ANK1: variants seen among roughly 807,000 people sequenced by gnomAD.
The protein encoded by ANK1 is ankyrin-1.
Under a neutral mutation model 210.4 loss-of-function variants are expected in ANK1, and 51 were observed. The ratio of observed to expected loss-of-function variants is 0.24; its 90% CI spans 0.19 to 0.31. The LOEUF is 0.31. Among genes scored for constraint, ANK1 ranks in the 10% least tolerant of loss-of-function variants. ANK1 has a pLI of 1.00. For synonymous variants in ANK1, 967 were observed against 1,025.9 expected (o/e 0.94, Z 1.10); for missense variants, 2,051 against 2,504.4 (o/e 0.82, Z 3.86).
intron 9 of ANK1, among the ~76,000 whole-genome samples, chr8:41,722,033 T>C (rs1400492338): frequency 6.6e-6 from 1 of 152,248 alleles, no homozygotes; most frequent in African/African-American, 2.4e-5. Context: ...GCAATTCTAC[T>C]TTCATTTAGC....
chr8:41,836,092 G>A (rs1040598954), intron 1 of ANK1, among the ~76,000 whole-genome samples: 1 of 152,220 alleles, frequency 6.6e-6, no homozygotes, highest in African/African-American at 2.4e-5. Flanking sequence ...GGAACTCTCA[G>A]GGACGACACA....
chr8:41,686,704 T>C (rs868696642), intron 35 of ANK1, among the ~76,000 whole-genome samples: 9 of 152,194 alleles, frequency 5.9e-5, no homozygotes, highest in Non-Finnish European at 1.3e-4. Flanking sequence ...GGCCACGCCA[T>C]GCCCTACTGC....
intron 2 of ANK1, among the ~76,000 whole-genome samples, chr8:41,752,798 G>GCCCCCC (rs55895448): frequency 7.9e-4 from 115 of 145,654 alleles, no homozygotes; most frequent in Middle Eastern, 3.6e-3. Context: ...GCACACACAG[G>GCCCCCC]CCCCCCCCCA....
intron 26 of ANK1, among the ~76,000 whole-genome samples, chr8:41,695,789 G>A (rs1324590652): frequency 6.6e-6 from 1 of 152,270 alleles, no homozygotes; most frequent in Non-Finnish European, 1.5e-5. Context: ...GGCGGACAGA[G>A]GTAGAAGGCA....
At chr8:41,716,066 G>A (rs182522062) in intron 13 of ANK1, among the ~76,000 whole-genome samples, 2 of 152,240 alleles carry the variant, frequency 1.3e-5, no homozygotes, top group African/African-American at 4.8e-5. Context: ...TTCTTCAAGT[G>A]AGCTGTTATT....
At chr8:41,831,884 C>T (rs530596369) in intron 1 of ANK1, among the ~76,000 whole-genome samples, 4 of 152,286 alleles carry the variant, frequency 2.6e-5, no homozygotes, top group South Asian at 4.1e-4. Flanking sequence ...CACAGCAACA[C>T]GGGTGCATCC....
At chr8:41,658,291 G>A (rs988167599) in intron 42 of ANK1, among the ~76,000 whole-genome samples, 1 of 152,190 alleles carries the variant, frequency 6.6e-6, no homozygotes, top group Non-Finnish European at 1.5e-5. Context: ...CATTTGACTT[G>A]CTCCGAGTCA....
chr8:41,854,024 CT>C (rs1410807706), intron 1 of ANK1, among the ~76,000 whole-genome samples: 1 of 152,212 alleles, frequency 6.6e-6, no homozygotes, highest in African/African-American at 2.4e-5. Context: ...TGAAATGCTT[CT>C]CCTTATCAGG....
At chr8:41,725,987 C>T (rs1252707850) in intron 5 of ANK1, 41 bp from the exon 6 acceptor site, 19 of 1,599,246 alleles carry the variant, frequency 1.2e-5, no homozygotes, top group Non-Finnish European at 1.4e-5. Context: ...ACTCGTCTGA[C>T]GCCAGCCGCC....
chr8:41,666,865 C>T (rs1810714814), intron 39 of ANK1, among the ~76,000 whole-genome samples: 1 of 152,142 alleles, frequency 6.6e-6, no homozygotes, highest in Admixed American at 6.5e-5. Flanking sequence ...TGACATTGGT[C>T]CACTGTGTGA....
At chr8:41,793,935 T>C (rs1349628597) in intron 1 of ANK1, among the ~76,000 whole-genome samples, 1 of 152,152 alleles carries the variant, frequency 6.6e-6, no homozygotes, top group Non-Finnish European at 1.5e-5. Flanking sequence ...CCATGAAATA[T>C]GTCATGCAGA....
At position 41,803,001 on chromosome 8, in the gene ANK1, GAAAGAA is replaced by G. The variant is rs1418789398; in HGVS notation, c.127-44870_127-44865del. Among the ~76,000 whole-genome samples the G allele has an allele frequency of 9.8e-3, 713 of 72,670 alleles. 13 individuals are homozygous for G. The highest frequency in any genetic ancestry group is 0.014 in the Non-Finnish European group (539 of 39,792). The allele number at this position is 72,670 out of a possible 152,430, so 47.7% of individuals were successfully genotyped here. Reference sequence around the variant, plus strand: ...AAAAAGAAAGAGAGAAAGAGAGAAAGAAAGAAAGAAAGAAAGAAAGAAAGAAAGAAA... The same window carrying G: ...AAAAAGAAAGAGAGAAAGAGAGAAAGAGAAAGAAAGAAAGAAAGAAAGAAA... On this transcript the variant is annotated intron_variant, in intron 1 of 42. Transcript: ENST00000265709.
intron 1 of ANK1, among the ~76,000 whole-genome samples, chr8:41,806,904 C>CCACAGATGTGAGAAAAATAGGGGAA: frequency 6.6e-6 from 1 of 152,220 alleles, no homozygotes. Flanking sequence ...GTTTTACCAT[C>CCACAGATGTGAGAAAAATAGGGGAA]CACAGATGTG....
intron 42 of ANK1, among the ~76,000 whole-genome samples, chr8:41,659,861 CT>C (rs1025435049): frequency 2.6e-5 from 4 of 152,186 alleles, no homozygotes; most frequent in African/African-American, 9.6e-5. Flanking sequence ...TTGCAGATCA[CT>C]TACGGCAAAT....
At position 41,694,314 on chromosome 8, in the gene ANK1, A is replaced by C. The variant is rs1820200286; in HGVS notation, c.3328-212T>G. On this transcript the variant is annotated intron_variant, in intron 28 of 42. Coordinates refer to ENST00000289734, the MANE Select transcript of ANK1 (RefSeq NM_000037.4). The surrounding 1 kb of genome is among the most constrained non-coding windows in gnomAD (Gnocchi z 5.7). ...CTCCCAGGGCTGGTGCATCTTTGCT[A>C]GCACCACAGTCAACTCCCGGAGGTC... Among the ~76,000 whole-genome samples the C allele has an allele frequency of 6.6e-6, 1 of 152,164 alleles. No homozygotes were observed. The highest frequency in any genetic ancestry group is 2.1e-4 in the South Asian group (1 of 4,824).
At chr8:41,825,282 C>A (rs1805172538) in intron 1 of ANK1, among the ~76,000 whole-genome samples, 1 of 152,236 alleles carries the variant, frequency 6.6e-6, no homozygotes, top group Admixed American at 6.5e-5. Context: ...TGTTACTGTT[C>A]TGTGGATTAG....
intron 1 of ANK1, among the ~76,000 whole-genome samples, chr8:41,808,184 C>T (rs1851245483): frequency 1.3e-5 from 2 of 152,218 alleles, no homozygotes; most frequent in Non-Finnish European, 2.9e-5. Flanking sequence ...CCAACTCAGA[C>T]AGCTCTGGCC....
At chr8:41,845,486 T>G (rs1010478261) in intron 1 of ANK1, among the ~76,000 whole-genome samples, 16 of 152,038 alleles carry the variant, frequency 1.1e-4, no homozygotes, top group Admixed American at 1.0e-3. Flanking sequence ...TGCAGTGGTC[T>G]CGCGGGGCAC....
At chr8:41,703,420 GTGTATATATATA>G (rs1187216213) in intron 20 of ANK1, among the ~76,000 whole-genome samples, 3 of 51,122 alleles carry the variant, frequency 5.9e-5, no homozygotes, top group Non-Finnish European at 8.4e-5. Context: ...GTGTGTGTGT[GTGTATATATATA>G]TATATATATA....
Sources: allele counts gnomAD v4.1 joint callset (sites outside exome capture counted in the v4.1 genomes callset), GRCh38; gene constraint gnomAD v4.1.1; non-coding constraint Gnocchi (gnomAD v3.1); transcripts MANE v1.5; gene names NCBI Gene and HGNC (gene_info 2026-07-23, HGNC 2026-07-21).